SAMD3: variants seen among roughly 807,000 people sequenced by gnomAD.
SAMD3 encodes sterile alpha motif domain-containing protein 3.
A neutral mutation model predicts 58.5 loss-of-function variants in SAMD3; 63 were observed. The ratio of observed to expected loss-of-function variants is 1.08; its 90% CI spans 0.88 to 1.33. The LOEUF (loss-of-function observed/expected upper bound fraction) is 1.33. Ranked by LOEUF, SAMD3 falls within the 40% of genes most tolerant of loss-of-function variation. The pLI is 0.00. For missense variants in SAMD3, 604 were observed against 608.4 expected, an observed-to-expected ratio of 0.99 and a Z score of 0.08; for synonymous variants, 220 against 210.3, an observed-to-expected ratio of 1.05 and a Z score of -0.40.
chr6:130,272,728 G>T (rs1261922930), intron 2 of SAMD3, among the ~76,000 whole-genome samples: 3 of 152,052 alleles, frequency 2.0e-5, no homozygotes, highest in African/African-American at 7.3e-5. Flanking sequence ...TATTTTATTT[G>T]ATATGAAGTC....
chr6:130,334,619 C>T (rs909517027), intron 1 of SAMD3, among the ~76,000 whole-genome samples: 6 of 152,140 alleles, frequency 3.9e-5, no homozygotes, highest in Admixed American at 6.5e-5. Flanking sequence ...ATATATAAAA[C>T]GGGGATCATT....
At chr6:130,192,945 A>G (rs1038473756) in intron 5 of SAMD3, among the ~76,000 whole-genome samples, 5 of 151,822 alleles carry the variant, frequency 3.3e-5, no homozygotes, top group Non-Finnish European at 7.4e-5. Context: ...CCACACTTCA[A>G]TCTCTCCCTT....
intron 8 of SAMD3, among the ~76,000 whole-genome samples, chr6:130,172,893 T>G (rs1012565085): frequency 6.6e-6 from 1 of 152,240 alleles, no homozygotes; most frequent in African/African-American, 2.4e-5. Flanking sequence ...TCTTGGAGGC[T>G]TTGTTCATTC....
intron 5 of SAMD3, among the ~76,000 whole-genome samples, chr6:130,209,018 C>T (rs1047942208): frequency 2.0e-5 from 3 of 152,110 alleles, no homozygotes; most frequent in Non-Finnish European, 2.9e-5. Flanking sequence ...ATATACATTA[C>T]GTAAAACCCA....
At chr6:130,260,472 C>T (rs1434277656) in intron 2 of SAMD3, among the ~76,000 whole-genome samples, 1 of 152,170 alleles carries the variant, frequency 6.6e-6, no homozygotes, top group East Asian at 1.9e-4. Context: ...AGTTGTGAGC[C>T]CTTAAAAGGG....
At chr6:130,323,777 T>C (rs1396030767) in intron 1 of SAMD3, among the ~76,000 whole-genome samples, 1 of 117,960 alleles carries the variant, frequency 8.5e-6, no homozygotes, top group Non-Finnish European at 1.6e-5. Context: ...TACTGCAGCC[T>C]GGGTCACAGA....
chr6:130,156,933 G>A (rs1346474820), intron 8 of SAMD3, among the ~76,000 whole-genome samples: 1 of 152,028 alleles, frequency 6.6e-6, no homozygotes, highest in Non-Finnish European at 1.5e-5. Context: ...AGCCAGGTGT[G>A]GTGGCACATT....
At chr6:130,267,400 T>C (rs890003951) in intron 2 of SAMD3, among the ~76,000 whole-genome samples, 2 of 152,176 alleles carry the variant, frequency 1.3e-5, no homozygotes, top group African/African-American at 4.8e-5. Context: ...AGCACAAGTG[T>C]ACCATATGAA....
chr6:130,277,040 T>A (rs1368451596), intron 2 of SAMD3, among the ~76,000 whole-genome samples: 1 of 152,108 alleles, frequency 6.6e-6, no homozygotes, highest in African/African-American at 2.4e-5. Context: ...AAAATAGTAA[T>A]GTTATCTATA....
At chr6:130,154,718 A>AAT (rs147697847) in intron 9 of SAMD3, 107 bp downstream of exon 9, 1,142 of 72,410 alleles carry the variant, frequency 0.016, 19 homozygotes, top group Non-Finnish European at 0.019. Context: ...AAAAAAAAAA[A>AAT]ATATATATAT....
upstream of SAMD3, among the ~76,000 whole-genome samples, chr6:130,224,564 T>A (rs1448254566): frequency 6.6e-6 from 1 of 151,506 alleles, no homozygotes; most frequent in African/African-American, 2.4e-5. Context: ...ATGTTCAAAC[T>A]TTTGTTTATG....
At chr6:130,306,542 G>C (rs1342323938) in intron 2 of SAMD3, among the ~76,000 whole-genome samples, 1 of 149,258 alleles carries the variant, frequency 6.7e-6, no homozygotes, top group Non-Finnish European at 1.5e-5. Context: ...ATCTACCATG[G>C]CTGGTTGAAC....
intron 5 of SAMD3, among the ~76,000 whole-genome samples, chr6:130,192,341 C>T (rs1793628248): frequency 6.6e-6 from 1 of 152,222 alleles, no homozygotes; most frequent in Non-Finnish European, 1.5e-5. Context: ...GCTAAGCCAT[C>T]ATATTCCCTG....
At chr6:130,166,548 T>G (rs932631842) in intron 8 of SAMD3, among the ~76,000 whole-genome samples, 2 of 152,208 alleles carry the variant, frequency 1.3e-5, no homozygotes, top group African/African-American at 4.8e-5. Context: ...ATTCCACTGG[T>G]CTATCAAAGA....
intron 4 of SAMD3, 43 bp from the exon 5 acceptor site, chr6:130,209,651 A>G (rs1415157364): frequency 1.6e-6 from 2 of 1,247,006 alleles, no homozygotes; most frequent in East Asian, 2.3e-5. Flanking sequence ...AAGAGGTGAT[A>G]TGACCATTGA....
intron 2 of SAMD3, among the ~76,000 whole-genome samples, chr6:130,259,382 C>T (rs536571250): frequency 5.3e-5 from 8 of 152,190 alleles, no homozygotes; most frequent in East Asian, 1.9e-4. Context: ...AAAGCAAGAG[C>T]GTGGAGCTCT....
At chr6:130,232,562 AGTATACAG>A (rs1474254560) in intron 2 of SAMD3, among the ~76,000 whole-genome samples, 1 of 152,202 alleles carries the variant, frequency 6.6e-6, no homozygotes, top group Non-Finnish European at 1.5e-5. Flanking sequence ...ATGTTCTGAG[AGTATACAG>A]TTTACGAGTT....
intron 2 of SAMD3, among the ~76,000 whole-genome samples, chr6:130,216,209 G>A (rs1363494826): frequency 6.9e-6 from 1 of 145,976 alleles, no homozygotes; most frequent in Non-Finnish European, 1.5e-5. Flanking sequence ...CCTTGTTTTT[G>A]TAATTCAATC....
At chr6:130,216,384 G>GA (rs1796003292) in intron 2 of SAMD3, among the ~76,000 whole-genome samples, 187 bp downstream of exon 2, 1 of 152,016 alleles carries the variant, frequency 6.6e-6, no homozygotes, top group African/African-American at 2.4e-5. Flanking sequence ...AAAGACCAAG[G>GA]AAAAAGCTAC....
Sources: gnomAD v4.1 joint callset for allele counts (sites outside exome capture counted in the v4.1 genomes callset) on GRCh38, gnomAD v4.1.1 for gene constraint, MANE v1.5 for transcripts, NCBI Gene and HGNC (gene_info 2026-07-23, HGNC 2026-07-21) for gene names.